LRP1B: variants seen among roughly 807,000 people sequenced by gnomAD.
LRP1B encodes the protein LDL receptor related protein 1B, also known as low-density lipoprotein receptor-related protein 1B.
LRP1B carries 217 observed loss-of-function variants against 556.6 expected under a neutral mutation model. The observed-to-expected ratio is 0.39, with a 90% CI of 0.35 to 0.44. The LOEUF (loss-of-function observed/expected upper bound fraction) is 0.44. LRP1B is among the 20% of genes least tolerant of loss of function. The probability of loss-of-function intolerance (pLI) is 1.00; values close to 1 mark genes in which losing one functional copy is unlikely to be tolerated. For synonymous variants in LRP1B, 2,047 were observed against 1,865.8 expected, an observed-to-expected ratio of 1.10 and a Z score of -2.50; for missense variants, 5,053 against 5,620.8, an observed-to-expected ratio of 0.90 and a Z score of 3.23.
At chr2:141,160,211 C>T (rs972482880) in intron 7 of LRP1B, among the ~76,000 whole-genome samples, 5 of 152,016 alleles carry the variant, frequency 3.3e-5, no homozygotes, top group Non-Finnish European at 5.9e-5. Context: ...ACTATAATAA[C>T]ATTCTACTAT....
At chr2:140,868,370 C>T in intron 25 of LRP1B, 107 bp from the exon 26 acceptor site, 1 of 1,043,926 alleles carries the variant, frequency 9.6e-7, no homozygotes, top group Non-Finnish European at 1.3e-6. Context: ...GGTGATAAGT[C>T]ACAAGAGAAA....
chr2:140,526,245 T>C lies in LRP1B; in HGVS notation c.7868A>G (p.Lys2623Arg), dbSNP rs1690428920. 1.2e-6 allele frequency: 2 copies of C among 1,610,940 alleles called. No individual in the cohort carries two copies. The highest frequency in any genetic ancestry group is 1.7e-6 in the Non-Finnish European group (2 of 1,177,894). The stretch of plus-strand genomic sequence containing the variant: ...GTAGTGGAATATCTTACTGCAGTTC[T>C]TTTCATCTGAAGCATCTGCACAATC... ...NIDCADASDEKNCNNTDCTHF... is the reference protein window; with the variant it reads ...NIDCADASDERNCNNTDCTHF... Residue 2623 changes from lysine to arginine, a missense_variant, in exon 48 of 91, where the codon AAG (lysine) becomes AGG (arginine). Transcript: ENST00000389484.
At chr2:140,504,197 C>A (rs1167837309) in intron 53 of LRP1B, among the ~76,000 whole-genome samples, 1 of 152,146 alleles carries the variant, frequency 6.6e-6, no homozygotes, top group Non-Finnish European at 1.5e-5. Flanking sequence ...TCTTCTGAAA[C>A]TCCTCTTAGA....
intron 82 of LRP1B, among the ~76,000 whole-genome samples, chr2:140,318,817 G>T (rs937965457): frequency 6.6e-6 from 1 of 151,934 alleles, no homozygotes; most frequent in African/African-American, 2.4e-5. Flanking sequence ...CTGTAAAATA[G>T]GAGAAATTAC....
intron 2 of LRP1B, among the ~76,000 whole-genome samples, chr2:141,687,305 G>A (rs1691349526): frequency 6.6e-6 from 1 of 151,842 alleles, no homozygotes; most frequent in East Asian, 1.9e-4. Context: ...TTTACTCTTA[G>A]TGAAAATCTG....
intron 3 of LRP1B, among the ~76,000 whole-genome samples, chr2:141,373,488 T>C (rs1689310046): frequency 6.6e-6 from 1 of 152,112 alleles, no homozygotes; most frequent in South Asian, 2.1e-4. Flanking sequence ...TTTTTTAAAG[T>C]CTAGTATTAT....
intron 3 of LRP1B, among the ~76,000 whole-genome samples, chr2:141,369,445 A>G (rs1416766316): frequency 6.6e-6 from 1 of 152,122 alleles, no homozygotes; most frequent in Admixed American, 6.5e-5. Flanking sequence ...AAGGGCCCCA[A>G]AAATATCAAT....
chr2:140,896,611 A>G (rs1287842361), intron 23 of LRP1B, among the ~76,000 whole-genome samples: 3 of 152,170 alleles, frequency 2.0e-5, no homozygotes, highest in African/African-American at 7.2e-5. Context: ...TCACCTGAGT[A>G]GCTGGGACCA....
chr2:141,943,928 C>T (rs1700885868), intron 1 of LRP1B, among the ~76,000 whole-genome samples: 1 of 152,066 alleles, frequency 6.6e-6, no homozygotes, highest in Non-Finnish European at 1.5e-5. Flanking sequence ...TGCAGCAAAG[C>T]GATAGAGGGG....
In LRP1B at chr2:140,923,072, C is replaced by T. The variant is rs1321282526; in HGVS notation, c.3212G>A (p.Trp1071Ter). The T allele has an allele frequency of 2.5e-6, 4 of 1,612,946 alleles. No homozygotes were observed. In the Admixed American group the frequency reaches 6.7e-5, roughly 27 times the overall value. Residue 1071 changes from tryptophan to a stop codon, truncating the protein, a stop_gained, in exon 21 of 91, where the codon TGG becomes TAG. Transcript: ENST00000389484. LOFTEE classifies it high-confidence loss of function. Reference protein sequence around the residue: ...HPDGNCVPDLWRCDGEKDCED... With the variant: ...HPDGNCVPDL ...ACAGTCTTTTTCTCCATCACAGCGCCACAAATCAGGAACGCAATTACCATC... is the reference window on the plus strand; with the variant it reads ...ACAGTCTTTTTCTCCATCACAGCGCTACAAATCAGGAACGCAATTACCATC...
At chr2:141,849,365 C>T (rs1375346476) in intron 1 of LRP1B, among the ~76,000 whole-genome samples, 4 of 151,514 alleles carry the variant, frequency 2.6e-5, no homozygotes, top group Non-Finnish European at 5.9e-5. Context: ...TGTTCATAAT[C>T]GAATTATCAC....
At chr2:141,078,046 G>A (rs1882644) in intron 7 of LRP1B, among the ~76,000 whole-genome samples, 127,986 of 151,170 alleles carry the variant, frequency 0.85, 54,546 homozygotes, top group Non-Finnish European at 0.89. Flanking sequence ...GCTTATTTGG[G>A]TGAAGTTTTC....
At chr2:140,323,754 A>G in intron 81 of LRP1B, 139 bp downstream of exon 81, 1 of 419,202 alleles carries the variant, frequency 2.4e-6, no homozygotes, top group East Asian at 3.6e-5. Context: ...GAAAAAGTCT[A>G]GTGACATCAA....
chr2:141,818,720 T>G (rs1326490137), intron 1 of LRP1B, among the ~76,000 whole-genome samples: 1 of 151,196 alleles, frequency 6.6e-6, no homozygotes, highest in African/African-American at 2.4e-5. Context: ...GTATTTTTAG[T>G]AGAGACGGGG....
chr2:140,939,739 G>A (rs1216301162), intron 20 of LRP1B, among the ~76,000 whole-genome samples: 1 of 151,068 alleles, frequency 6.6e-6, no homozygotes, highest in East Asian at 1.9e-4. Flanking sequence ...AATAAACCAG[G>A]GTCAGATGTC....
chr2:141,936,512 C>T (rs571702807), intron 1 of LRP1B, among the ~76,000 whole-genome samples: 48 of 152,202 alleles, frequency 3.2e-4, no homozygotes, highest in African/African-American at 1.0e-3. Flanking sequence ...GAGAGGCCGC[C>T]GAATAAACCA....
At position 140,322,025 on chromosome 2, in the gene LRP1B, G is replaced by A. The variant is rs754709111; in HGVS notation, c.12578C>T (p.Thr4193Ile). 6.2e-7 allele frequency: 1 copy of A among 1,613,158 alleles called. No homozygotes were observed. The highest frequency in any genetic ancestry group is 8.5e-7 in the Non-Finnish European group (1 of 1,179,480). ...FLCLLNPSGA[T>I]CVCPEGKYLI... ...ATATTTTCCTTCTGGACACACACAA[G>A]TGGCCCCAGAAGGATTTAGCAAGCA... Residue 4193 changes from threonine to isoleucine, a missense_variant, in exon 82 of 91, where the codon ACT (threonine) becomes ATT (isoleucine). This residue lies in a region of LRP1B where 551 missense variants were observed against 592.0 expected (regional missense o/e 0.93). Coordinates refer to ENST00000389484, the MANE Select transcript of LRP1B (RefSeq NM_018557.3).
At position 141,506,691 on chromosome 2, in the gene LRP1B, T is replaced by C. The variant is rs375121043; in HGVS notation, c.206-26158A>G. On this transcript the variant is annotated intron_variant, in intron 2 of 90. Coordinates refer to ENST00000389484, the MANE Select transcript of LRP1B (RefSeq NM_018557.3). ...GTATTAGTATGTTATAATATAGATA[T>C]GTTATACACTATACAAATTGCACTT... Among the ~76,000 whole-genome samples the C allele has an allele frequency of 1.1e-4, 17 of 152,190 alleles. No individual in the cohort carries two copies. In the South Asian group the frequency reaches 3.3e-3, roughly 30 times the overall value.
At chr2:140,332,912 T>C (rs1034959767) in intron 79 of LRP1B, among the ~76,000 whole-genome samples, 1 of 152,110 alleles carries the variant, frequency 6.6e-6, no homozygotes, top group Non-Finnish European at 1.5e-5. Context: ...ATAATGATTA[T>C]GTAAAATAAC....
Sources: allele counts gnomAD v4.1 joint callset (sites outside exome capture counted in the v4.1 genomes callset), GRCh38; gene constraint gnomAD v4.1.1; regional missense constraint gnomAD v4.1.1; transcripts MANE v1.5; gene names NCBI Gene and HGNC (gene_info 2026-07-23, HGNC 2026-07-21).